The following GTF3C1 variants were observed in gnomAD, a reference collection of about 807,000 sequenced individuals.
GTF3C1 encodes general transcription factor 3C polypeptide 1.
Under a neutral mutation model 226.7 loss-of-function variants are expected in GTF3C1, and 57 were observed. The ratio of observed to expected loss-of-function variants is 0.25; its 90% CI spans 0.20 to 0.31. The LOEUF is 0.31. GTF3C1 is among the 10% of genes least tolerant of loss of function. The pLI is 1.00. For missense variants in GTF3C1, 2,217 were observed against 2,776.1 expected, an observed-to-expected ratio of 0.80 and a Z score of 4.53; for synonymous variants, 1,090 against 1,084.8, an observed-to-expected ratio of 1.00 and a Z score of -0.09.
chr16:27,497,591 C>A (rs767042203), intron 14 of GTF3C1, 46 bp downstream of exon 14: 9 of 1,502,538 alleles, frequency 6.0e-6, no homozygotes, highest in East Asian at 4.5e-5. Flanking sequence ...GTCATACAAA[C>A]AACAAATCAA....
chr16:27,513,811 A>G (rs2088613203), intron 6 of GTF3C1, among the ~76,000 whole-genome samples: 1 of 152,156 alleles, frequency 6.6e-6, no homozygotes, highest in Non-Finnish European at 1.5e-5. Context: ...CGATGCACAG[A>G]ATCCTGGGTG....
chr16:27,490,151 A>G (rs986034192), intron 19 of GTF3C1, among the ~76,000 whole-genome samples: 2 of 152,038 alleles, frequency 1.3e-5, no homozygotes, highest in East Asian at 3.9e-4. Context: ...GGTGGCAGGG[A>G]TACGGAGGGG....
In GTF3C1 at chr16:27,470,389, A is replaced by G; in HGVS notation, c.4533T>C (p.Phe1511=). 1 of 1,612,746 alleles carries G rather than the reference A, an allele frequency of 6.2e-7. No homozygotes were observed. The highest frequency in any genetic ancestry group is 8.5e-7 in the Non-Finnish European group (1 of 1,179,172). ...YQLSQTYYRI[F]TWRFPSTICT... is the part of the protein sequence containing the mutation. ...AGATGGTGCTTGGAAATCGCCACGT[A>G]AAAATCCTACAGACAAAAAGAAAGG... is the stretch of plus-strand genomic sequence containing the variant. The change falls in exon 31 of 37, where the codon TTT becomes TTC. Residue 1511 remains phenylalanine (F), a synonymous_variant. Coordinates refer to ENST00000356183, the MANE Select transcript of GTF3C1 (RefSeq NM_001520.4). The surrounding 1 kb of genome is among the most constrained non-coding windows in gnomAD (Gnocchi z 4.9).
At chr16:27,530,123 G>C (rs372248213) in intron 5 of GTF3C1, among the ~76,000 whole-genome samples, 8 of 152,216 alleles carry the variant, frequency 5.3e-5, no homozygotes, top group East Asian at 1.9e-4. Context: ...CTTACATTCT[G>C]GGGGGAGAGA....
chr16:27,461,615 G>C lies in GTF3C1; in HGVS notation c.6118-53C>G. 7.4e-7 allele frequency: 1 copy of C among 1,344,114 alleles called. No homozygotes were observed. Among genetic ancestry groups the C allele is most frequent in the South Asian group, 1.2e-5 (1 of 85,020 alleles). The allele number at this position is 1,344,114 out of a possible 1,614,324, so 83.3% of individuals were successfully genotyped here. A position where few individuals can be genotyped will look rare whatever the true frequency, so the allele number is the denominator to read the frequency against. Reference sequence around the variant, plus strand: ...GCGGCACTGCCCTCGCCTGCTTGTTGATTTATTCTTCAAGCATTTATGGAA... The same window carrying C: ...GCGGCACTGCCCTCGCCTGCTTGTTCATTTATTCTTCAAGCATTTATGGAA... On this transcript the variant is annotated intron_variant, in intron 36 of 36. Coordinates refer to ENST00000356183, the MANE Select transcript of GTF3C1 (RefSeq NM_001520.4). The surrounding 1 kb of genome is among the most constrained non-coding windows in gnomAD (Gnocchi z 5.3).
At chr16:27,528,788 T>A in intron 5 of GTF3C1, 67 bp from the exon 6 acceptor site, 1 of 1,449,276 alleles carries the variant, frequency 6.9e-7, no homozygotes, top group Middle Eastern at 1.7e-4. Context: ...TAGAAAGTCA[T>A]ATAAATGAAC....
chr16:27,532,515 C>T (rs1399773747), intron 5 of GTF3C1, among the ~76,000 whole-genome samples: 1 of 152,210 alleles, frequency 6.6e-6, no homozygotes, highest in Admixed American at 6.5e-5. Context: ...CTGAAACCTT[C>T]CAGTCAGATT....
intron 6 of GTF3C1, among the ~76,000 whole-genome samples, chr16:27,517,334 C>A (rs1020092788): frequency 6.6e-6 from 1 of 152,166 alleles, no homozygotes; most frequent in Non-Finnish European, 1.5e-5. Context: ...CTGTTCCAGA[C>A]TACAAGTCAG....
Position 27,470,679 on chromosome 16 carries a change from T to C in GTF3C1, c.4527-284A>G. On this transcript the variant is annotated intron_variant, in intron 30 of 36. Coordinates refer to ENST00000356183, the MANE Select transcript of GTF3C1 (RefSeq NM_001520.4). The surrounding 1 kb of genome is among the most constrained non-coding windows in gnomAD (Gnocchi z 4.9). ...GCGCTCCAGGAGGGCGCTGGCAGGC[T>C]CACCTTACAGGGGCTCACTGTACAC... The C allele has an allele frequency of 1.1e-5, 5 of 435,160 alleles. No homozygotes were observed. Among genetic ancestry groups the C allele is most frequent in the South Asian group, 9.6e-5 (4 of 41,820 alleles). 27.0% of individuals were successfully genotyped at this position (435,160 alleles called of 1,614,324 possible). A position where few individuals can be genotyped will look rare whatever the true frequency, so the allele number is the denominator to read the frequency against.
intron 5 of GTF3C1, among the ~76,000 whole-genome samples, chr16:27,531,602 C>T (rs17788796): frequency 0.017 from 2,589 of 152,360 alleles, 27 homozygotes; most frequent in Non-Finnish European, 0.027. Flanking sequence ...GAACACAGTT[C>T]TAACTCAACA....
chr16:27,509,814 A>G (rs1168027338), intron 7 of GTF3C1, among the ~76,000 whole-genome samples: 1 of 152,126 alleles, frequency 6.6e-6, no homozygotes, highest in Non-Finnish European at 1.5e-5. Flanking sequence ...GATGCATCCA[A>G]AGGCTTGAGG....
intron 6 of GTF3C1, among the ~76,000 whole-genome samples, chr16:27,521,879 C>T (rs187477044): frequency 1.5e-3 from 227 of 151,832 alleles, no homozygotes; most frequent in African/African-American, 5.1e-3. Context: ...TTTTTCTAAT[C>T]TTGATTCTTT....
chr16:27,506,222 T>C, intron 9 of GTF3C1, 106 bp from the exon 10 acceptor site: 1 of 644,786 alleles, frequency 1.6e-6, no homozygotes, highest in Non-Finnish European at 2.7e-6. Context: ...CTGCTGAGAG[T>C]CAGTTGAAAG....
intron 19 of GTF3C1, among the ~76,000 whole-genome samples, chr16:27,490,300 T>C (rs1007593400): frequency 6.6e-6 from 1 of 152,250 alleles, no homozygotes; most frequent in African/African-American, 2.4e-5. Flanking sequence ...TATTCTGTAA[T>C]ACAGAAAATT....
rs147766998 is a variant in GTF3C1, at chr16:27,521,373, C to T, written c.973+7225G>A. On this transcript the variant is annotated intron_variant, in intron 6 of 36. Coordinates refer to ENST00000356183, the MANE Select transcript of GTF3C1 (RefSeq NM_001520.4). ...CTCCCTCAGCGTGTGGCCAGTCACC[C>T]ACCCTGTTCCAGCCTGCTTCTCTTC... 7.2e-3 allele frequency among the ~76,000 whole-genome samples: 1,104 copies of T among 152,376 alleles called. 28 individuals are homozygous for T. The highest frequency in any genetic ancestry group is 0.051 in the Admixed American group (788 of 15,310).
At position 27,471,911 on chromosome 16, in the gene GTF3C1, G is replaced by C; in HGVS notation, c.4363C>G (p.Leu1455Val). 5 of 1,614,104 alleles carry C rather than the reference G, an allele frequency of 3.1e-6. No homozygotes were observed. The highest frequency in any genetic ancestry group is 4.2e-6 in the Non-Finnish European group (5 of 1,179,982). ...KSYQSFQTFRLYREYKDHVLV... is the reference protein window; with the variant it reads ...KSYQSFQTFRVYREYKDHVLV... ...ACGTGGTCCTTGTACTCCCGATAGA[G>C]GCGGAAAGTCTGCAACACAGGGCGG... Residue 1455 changes from leucine (L) to valine (V), a missense_variant, in exon 30 of 37, where the codon CTC (leucine) becomes GTC (valine). By Grantham distance (32) the Leu-to-Val change is conservative. Coordinates refer to ENST00000356183, the MANE Select transcript of GTF3C1 (RefSeq NM_001520.4). The surrounding 1 kb of genome is among the most constrained non-coding windows in gnomAD (Gnocchi z 5.0).
At chr16:27,503,028 G>A (rs759539006) in intron 10 of GTF3C1, 33 bp from the exon 11 acceptor site, 2 of 1,596,710 alleles carry the variant, frequency 1.3e-6, no homozygotes, top group South Asian at 1.1e-5. Context: ...AAGATGCAAT[G>A]GGCTCGGCAA....
intron 2 of GTF3C1, among the ~76,000 whole-genome samples, chr16:27,544,048 C>A (rs548086818): frequency 6.6e-6 from 1 of 152,034 alleles, no homozygotes. Flanking sequence ...GGTTCTGCTG[C>A]GAGATGGGTG....
intron 1 of GTF3C1, among the ~76,000 whole-genome samples, chr16:27,545,995 T>C (rs935245449): frequency 6.6e-6 from 1 of 152,002 alleles, no homozygotes; most frequent in African/African-American, 2.4e-5. Context: ...ATTATAGGGG[T>C]GTGCCACCAC....
Sources: gnomAD v4.1 joint callset for allele counts (sites outside exome capture counted in the v4.1 genomes callset) on GRCh38, gnomAD v4.1.1 for gene constraint, Gnocchi (gnomAD v3.1) non-coding constraint, MANE v1.5 for transcripts, NCBI Gene and HGNC (gene_info 2026-07-23, HGNC 2026-07-21) for gene names.